Variants in CAD observed in about 807,000 individuals in gnomAD.
CAD encodes carbamoyl-phosphate synthetase 2, aspartate transcarbamylase, and dihydroorotase.
Under a neutral mutation model 237.2 loss-of-function variants are expected in CAD, and 81 were observed. The ratio of observed to expected loss-of-function variants is 0.34; its 90% confidence interval spans 0.29 to 0.41. The LOEUF is 0.41. CAD is among the 10% of genes least tolerant of loss of function. The pLI is 1.00. For missense variants in CAD, 2,181 were observed against 2,951.7 expected (o/e 0.74, Z 6.05); for synonymous variants, 1,196 against 1,162.8 (o/e 1.03, Z -0.58).
chr2:27,231,074 C>A (rs540211603), intron 15 of CAD, among the ~76,000 whole-genome samples: 6 of 152,342 alleles, frequency 3.9e-5, no homozygotes, highest in African/African-American at 1.4e-4. Context: ...GGTGTGATCG[C>A]TGCTCACTGC....
chr2:27,238,725 TACTA>T (rs1676147920), intron 31 of CAD, 93 bp downstream of exon 31: 1 of 1,202,288 alleles, frequency 8.3e-7, no homozygotes, highest in Admixed American at 2.3e-5. Context: ...CTCAGGACTC[TACTA>T]GGACAGGGTC....
chr2:27,234,738 C>T (rs1347083840), intron 23 of CAD, 53 bp downstream of exon 23: 34 of 1,523,542 alleles, frequency 2.2e-5, no homozygotes, highest in Non-Finnish European at 3.0e-5. Flanking sequence ...GGAGAGAGTT[C>T]ACTCACCACA....
rs1676266614 is a variant in CAD at position 27,240,528 on chromosome 2, T to C, written c.5593+167T>C. The C allele has an allele frequency of 2.6e-6, 4 of 1,541,076 alleles. No homozygotes were observed. The highest frequency in any genetic ancestry group is 2.6e-6 in the Non-Finnish European group (3 of 1,138,562). On this transcript the variant is annotated intron_variant, in intron 35 of 43. Transcript: ENST00000264705. This position sits in a 1 kb window ranked among gnomAD's most constrained non-coding sequence, Gnocchi z 4.6. ...CAAGTCTCCCCGGTGTGAGTAGACA[T>C]CTCACAGCTTCTCACATGCCCTTTT... is the stretch of plus-strand genomic sequence containing the variant.
At chr2:27,219,494 C>G (rs577912147) in intron 2 of CAD, among the ~76,000 whole-genome samples, 2 of 151,992 alleles carry the variant, frequency 1.3e-5, no homozygotes. Flanking sequence ...AGGCACCTGC[C>G]GCCATGCCTG....
chr2:27,234,205 C>T lies in CAD; in HGVS notation c.3597C>T (p.Phe1199=), dbSNP rs148860818. ...AGGAGCTACAGGTCACAGGACCCTT[C>T]AATCTGCAGCTCATTGCCAAGGTAA... ...VGQELQVTGP[F]NLQLIAKDDQ... The change falls in exon 22 of 44, where the codon TTC becomes TTT. Residue 1199 remains phenylalanine, a synonymous_variant. Transcript: ENST00000264705. 5.6e-6 allele frequency: 9 copies of T among 1,614,110 alleles called. No homozygotes were observed. The highest frequency in any genetic ancestry group is 1.3e-5 in the African/African-American group (1 of 75,040).
Position 27,241,476 on chromosome 2 carries a change from G to T in CAD, c.5883+80G>T. The T allele has an allele frequency of 7.4e-7, 1 of 1,356,520 alleles. No individual in the cohort carries two copies. Among genetic ancestry groups the T allele is most frequent in the East Asian group, 2.3e-5 (1 of 43,602 alleles). 84.0% of individuals were successfully genotyped at this position (1,356,520 alleles called of 1,614,324 possible). On this transcript the variant is annotated intron_variant, in intron 38 of 43. Coordinates refer to ENST00000264705, the MANE Select transcript of CAD (RefSeq NM_004341.5). The surrounding 1 kb of genome is among the most constrained non-coding windows in gnomAD (Gnocchi z 4.6). ...TCAGCGCAGGGCCGCGCAGTGGTCA[G>T]AGTGGGTCTTCCTCCCCCTGCCATC...
intron 3 of CAD, 59 bp downstream of exon 3, chr2:27,221,406 T>G: frequency 7.2e-7 from 1 of 1,388,232 alleles, no homozygotes; most frequent in Non-Finnish European, 9.4e-7. Context: ...ATGGAAAGAA[T>G]CAAGGTTTCT....
In CAD at chr2:27,235,828, A is replaced by C. The variant is rs1675973549; in HGVS notation, c.4074+188A>C. ...TGCAGTGAGCTGCGAGTGTGCAGTGAGTGCACCACTGCACTCCAGCTTGGG... is the reference window on the plus strand; with the variant it reads ...TGCAGTGAGCTGCGAGTGTGCAGTGCGTGCACCACTGCACTCCAGCTTGGG... On this transcript the variant is annotated intron_variant, in intron 25 of 43. Coordinates refer to ENST00000264705, the MANE Select transcript of CAD (RefSeq NM_004341.5). The surrounding 1 kb of genome is among the most constrained non-coding windows in gnomAD (Gnocchi z 5.2). The C allele has an allele frequency of 1.9e-6, 1 of 537,844 alleles. No homozygotes were observed. 33.3% of individuals were successfully genotyped at this position (537,844 alleles called of 1,614,324 possible).
chr2:27,223,220 C>T (rs1675265566), intron 6 of CAD, among the ~76,000 whole-genome samples, 183 bp downstream of exon 6: 2 of 152,134 alleles, frequency 1.3e-5, no homozygotes, highest in Admixed American at 1.3e-4. Context: ...CACTGGAGGT[C>T]AGGAGTTCGA....
In CAD at chr2:27,217,579, T is replaced by G. The variant is rs1572416346; in HGVS notation, c.28T>G (p.Ser10Ala). 6.2e-7 allele frequency: 1 copy of G among 1,607,948 alleles called. No homozygotes were observed. The highest frequency in any genetic ancestry group is 1.3e-5 in the African/African-American group (1 of 74,668). The change falls in exon 1 of 44, where the codon TCG becomes GCG. Residue 10 changes from serine to alanine, a missense_variant. Physicochemically the swap from Ser to Ala is moderately conservative, Grantham distance 99. Around this residue, in one of 12 missense-constraint regions of CAD, gnomAD observed 314 missense variants for 339.4 expected, o/e 0.93. Transcript: ENST00000264705. MAALVLEDG[S>A]VLRGQPFGAA... ...GGCGGCCCTAGTGTTGGAGGACGGG[T>G]CGGTCCTGCGGGGCCAGCCCTTTGG...
In CAD at chr2:27,233,685, G is replaced by T; in HGVS notation, c.3276G>T (p.Val1092=). 1 of 1,614,192 alleles carries T rather than the reference G, an allele frequency of 6.2e-7. No homozygotes were observed. Among genetic ancestry groups the T allele is most frequent in the Non-Finnish European group, 8.5e-7 (1 of 1,180,056 alleles). Residue 1092 remains valine (V), a synonymous_variant, in exon 21 of 44, where the codon GTG becomes GTT. Transcript: ENST00000264705. The surrounding 1 kb of genome is among the most constrained non-coding windows in gnomAD (Gnocchi z 6.3). ...CCTGTGTGGTGCGCCCCTCCTATGT[G>T]CTGAGCGGTGCTGCTATGAATGTGG... ...GYPCVVRPSY[V]LSGAAMNVAY... is the part of the protein sequence containing the mutation.
chr2:27,217,729 G>T (rs1674937357), intron 1 of CAD, 96 bp downstream of exon 1: 1 of 1,432,406 alleles, frequency 7.0e-7, no homozygotes, highest in Admixed American at 2.1e-5. Context: ...TTTCCCGCCA[G>T]CGTACCCCCT....
chr2:27,221,238 C>T lies in CAD; in HGVS notation c.243C>T (p.Ile81=). The change falls in exon 3 of 44, where the codon ATC becomes ATT. Residue 81 remains isoleucine, a synonymous_variant. Coordinates refer to ENST00000264705, the MANE Select transcript of CAD (RefSeq NM_004341.5). The part of the protein sequence containing the change: ...GLCKWFESSG[I]HVAALVVGEC... ...TACAGTGGTTTGAATCCTCGGGCATCCACGTAGCAGCACTGGTAGTGGGAG... is the reference window on the plus strand; with the variant it reads ...TACAGTGGTTTGAATCCTCGGGCATTCACGTAGCAGCACTGGTAGTGGGAG... The T allele has an allele frequency of 6.4e-7, 1 of 1,561,250 alleles. No homozygotes were observed. Among genetic ancestry groups the T allele is most frequent in the South Asian group, 1.2e-5 (1 of 82,240 alleles).
At chr2:27,225,549 A>ACTCC (rs565196273) in intron 11 of CAD, among the ~76,000 whole-genome samples, 156 bp from the exon 12 acceptor site, 1 of 145,408 alleles carries the variant, frequency 6.9e-6, no homozygotes, top group South Asian at 2.3e-4. Flanking sequence ...CAGGTGATCC[A>ACTCC]CCCCCCCGAC....
intron 30 of CAD, 113 bp downstream of exon 30, chr2:27,238,300 G>A (rs1228951733): frequency 1.2e-5 from 18 of 1,471,426 alleles, no homozygotes; most frequent in Non-Finnish European, 1.5e-5. Context: ...GACAGCAGGA[G>A]GAGGGTCTCG....
In CAD at chr2:27,221,780, T is replaced by TTA. The variant is rs1491358907; in HGVS notation, c.353-414_353-413insTA. 5.1e-3 allele frequency among the ~76,000 whole-genome samples: 608 copies of TTA among 118,856 alleles called. 9 individuals are homozygous for TTA. The highest frequency in any genetic ancestry group is 0.02 in the African/African-American group (574 of 28,150). The allele number at this position is 118,856 out of a possible 152,430, so 78.0% of individuals were successfully genotyped here. ...TTTTTTTTTTTTTTTTTTTTTTTTT[T>TTA]CTGTTCATTTGAATCTTGCTCTAAA... On this transcript the variant is annotated intron_variant, in intron 3 of 43. Transcript: ENST00000264705.
Position 27,240,665 on chromosome 2 carries a change from T to C in CAD, c.5594-246T>C, listed in dbSNP as rs1676273347. 2.6e-6 allele frequency: 4 copies of C among 1,529,728 alleles called. No individual in the cohort carries two copies. Among genetic ancestry groups the C allele is most frequent in the Non-Finnish European group, 3.5e-6 (4 of 1,130,980 alleles). The allele number at this position is 1,529,728 out of a possible 1,614,324, so 94.8% of individuals were successfully genotyped here. ...TGTGAGTCTGGCCGTTCCTCTTGCC[T>C]AGGATGCCTTTGCCAACTGGGAGAG... On this transcript the variant is annotated intron_variant, in intron 35 of 43. Coordinates refer to ENST00000264705, the MANE Select transcript of CAD (RefSeq NM_004341.5). This position sits in a 1 kb window ranked among gnomAD's most constrained non-coding sequence, Gnocchi z 4.6.
rs979761225 is a variant in CAD, at chr2:27,242,616, C to T, written c.6223-4C>T. ...TCCCTGTGGTGACTGGATTCCTCTCCTAGATCACGATGGTGGGTGACCTGA... is the reference window on the plus strand; with the variant it reads ...TCCCTGTGGTGACTGGATTCCTCTCTTAGATCACGATGGTGGGTGACCTGA... On this transcript the variant is annotated splice_polypyrimidine_tract_variant and splice_region_variant and intron_variant, in intron 40 of 43. Coordinates refer to ENST00000264705, the MANE Select transcript of CAD (RefSeq NM_004341.5). The surrounding 1 kb of genome is among the most constrained non-coding windows in gnomAD (Gnocchi z 6.4). 47 of 1,589,628 alleles carry T rather than the reference C, an allele frequency of 3.0e-5. No homozygotes were observed. The highest frequency in any genetic ancestry group is 4.0e-5 in the Non-Finnish European group (46 of 1,164,030).
In CAD at chr2:27,232,155, C is replaced by T. The variant is rs144292695; in HGVS notation, c.2576C>T (p.Pro859Leu). 331 of 1,614,240 alleles carry T rather than the reference C, an allele frequency of 2.1e-4. 9 individuals carry two copies. The East Asian group carries it at 3.5e-3, about 17-fold the overall frequency. Residue 859 changes from proline to leucine, a missense_variant, in exon 17 of 44, where the codon CCG becomes CTG. Coordinates refer to ENST00000264705, the MANE Select transcript of CAD (RefSeq NM_004341.5). This position sits in a 1 kb window ranked among gnomAD's most constrained non-coding sequence, Gnocchi z 4.1. Reference protein sequence around the residue: ...LLEQHRGQPLPPDLLQQAKCL... With the variant: ...LLEQHRGQPLLPDLLQQAKCL... ...GAACAACACCGTGGACAGCCTTTGCCGCCAGACCTGCTGCAACAGGCCAAG... is the reference window on the plus strand; with the variant it reads ...GAACAACACCGTGGACAGCCTTTGCTGCCAGACCTGCTGCAACAGGCCAAG...
Sources: gnomAD v4.1 joint callset for allele counts (sites outside exome capture counted in the v4.1 genomes callset) on GRCh38, gnomAD v4.1.1 for gene constraint, gnomAD v4.1.1 regional missense constraint, Gnocchi (gnomAD v3.1) non-coding constraint, MANE v1.5 for transcripts, NCBI Gene and HGNC (gene_info 2026-07-23, HGNC 2026-07-21) for gene names.